The following COL3A1 variants were observed in gnomAD, a reference collection of about 807,000 sequenced individuals.
The protein encoded by COL3A1 is collagen type III alpha 1 chain.
A neutral mutation model predicts 200.9 loss-of-function variants in COL3A1; 46 were observed. The ratio of observed to expected loss-of-function variants is 0.23; its 90% CI spans 0.18 to 0.29. The LOEUF is 0.29. COL3A1 is among the 10% of genes least tolerant of loss of function. The pLI is 1.00. For synonymous variants in COL3A1, 650 were observed against 628.0 expected, an observed-to-expected ratio of 1.03 and a Z score of -0.52; for missense variants, 1,367 against 1,917.6, an observed-to-expected ratio of 0.71 and a Z score of 5.36.
At position 189,005,399 on chromosome 2, in the gene COL3A1, C is replaced by T. The variant is rs1688563132; in HGVS notation, c.2981C>T (p.Pro994Leu). ...GANGLSGERG[P>L]PGPQGLPGLA... ...AACGGTCTCAGTGGAGAACGTGGTC[C>T]CCCTGGACCCCAGGGTCTTCCTGGT... The change falls in exon 41 of 51, where the codon CCC becomes CTC. Residue 994 changes from proline (P) to leucine (L), a missense_variant. This residue lies in a region of COL3A1 where 846 missense variants were observed against 1,147.9 expected (regional missense o/e 0.74). Coordinates refer to ENST00000304636, the MANE Select transcript of COL3A1 (RefSeq NM_000090.4). 4 of 1,614,006 alleles carry T rather than the reference C, an allele frequency of 2.5e-6. No individual in the cohort carries two copies. Among genetic ancestry groups the T allele is most frequent in the Non-Finnish European group, 3.4e-6 (4 of 1,179,956 alleles).
intron 48 of COL3A1, 85 bp downstream of exon 48, chr2:189,009,306 C>T (rs1159234991): frequency 6.7e-6 from 10 of 1,497,456 alleles, no homozygotes; most frequent in Admixed American, 5.1e-5. Context: ...AAAACATCTA[C>T]TTTCAATGGA....
intron 8 of COL3A1, among the ~76,000 whole-genome samples, 191 bp from the exon 9 acceptor site, chr2:188,989,905 A>T (rs1206374146): frequency 2.0e-5 from 3 of 152,136 alleles, no homozygotes; most frequent in African/African-American, 7.2e-5. Flanking sequence ...TTATCTCTTT[A>T]TAAGCTTATA....
Position 189,007,601 on chromosome 2 carries a change from T to C in COL3A1, c.3357T>C (p.Gly1119=), listed in dbSNP as rs772000584. The C allele has an allele frequency of 6.2e-7, 1 of 1,611,470 alleles. No individual in the cohort carries two copies. The highest frequency in any genetic ancestry group is 1.1e-5 in the South Asian group (1 of 90,502). The stretch of plus-strand genomic sequence containing the variant: ...TCCCTGGTAATCCAGGTGCCCCAGG[T>C]TCTCCAGTAAGTGCATTCATTTTGT... ...RGFPGNPGAP[G]SPGPAGQQGA... The change falls in exon 45 of 51, where the codon GGT becomes GGC. Residue 1119 remains glycine (G), a synonymous_variant. Coordinates refer to ENST00000304636, the MANE Select transcript of COL3A1 (RefSeq NM_000090.4).
Position 189,012,457 on chromosome 2 carries a change from G to A in COL3A1, c.*683G>A, listed in dbSNP as rs914788962. 1 of 152,666 alleles carries A rather than the reference G, an allele frequency of 6.6e-6. No homozygotes were observed. The highest frequency in any genetic ancestry group is 2.4e-5 in the African/African-American group (1 of 41,410). 9.5% of individuals were successfully genotyped at this position (152,666 alleles called of 1,614,324 possible). A position where few individuals can be genotyped will look rare whatever the true frequency, so the allele number is the denominator to read the frequency against. On this transcript the variant is annotated 3_prime_UTR_variant, in exon 51 of 51. Transcript: ENST00000304636. ...GGAAGGCTTTAAAGACGCATGTTATGGTGCTAATGTACTTTCACTTTTAAA... is the reference window on the plus strand; with the variant it reads ...GGAAGGCTTTAAAGACGCATGTTATAGTGCTAATGTACTTTCACTTTTAAA...
In COL3A1 at chr2:189,007,628, G is replaced by C. The variant is rs376559659; in HGVS notation, c.3363+21G>C. The C allele has an allele frequency of 1.8e-5, 28 of 1,583,966 alleles. No individual in the cohort carries two copies. The highest frequency in any genetic ancestry group is 1.7e-4 in the Middle Eastern group (1 of 6,034). On this transcript the variant is annotated intron_variant, in intron 45 of 50. Coordinates refer to ENST00000304636, the MANE Select transcript of COL3A1 (RefSeq NM_000090.4). ...CTCCAGTAAGTGCATTCATTTTGTT[G>C]GAAAATCCCTTCAATGTATACAAAT...
chr2:189,006,045 C>T (rs1688578818), intron 41 of COL3A1, among the ~76,000 whole-genome samples, 161 bp from the exon 42 acceptor site: 1 of 152,008 alleles, frequency 6.6e-6, no homozygotes, highest in Non-Finnish European at 1.5e-5. Flanking sequence ...ACATTGTGAC[C>T]CTTTGAAGGG....
chr2:188,997,400 T>C lies in COL3A1; in HGVS notation c.1869+11T>C. On this transcript the variant is annotated intron_variant, in intron 26 of 50. Transcript: ENST00000304636. The stretch of plus-strand genomic sequence containing the variant: ...CCCCCAGGGCCTACTGTAAGTTCAC[T>C]CATATAAAATTGGAGATGAAAATAG... The C allele has an allele frequency of 6.2e-7, 1 of 1,613,030 alleles. No individual in the cohort carries two copies. Among genetic ancestry groups the C allele is most frequent in the Non-Finnish European group, 8.5e-7 (1 of 1,179,060 alleles).
Position 188,974,583 on chromosome 2 carries a change from A to T in COL3A1, c.79+15A>T, listed in dbSNP as rs944684603. 1 of 1,607,188 alleles carries T rather than the reference A, an allele frequency of 6.2e-7. No individual in the cohort carries two copies. Among genetic ancestry groups the T allele is most frequent in the African/African-American group, 1.3e-5 (1 of 74,760 alleles). On this transcript the variant is annotated intron_variant, in intron 1 of 50. Transcript: ENST00000304636. Reference sequence around the variant, plus strand: ...ACAACAGGAAGGTGAGTAGGTACTGATTTCAAGAAACTTTATGGGATTTTT... The same window carrying T: ...ACAACAGGAAGGTGAGTAGGTACTGTTTTCAAGAAACTTTATGGGATTTTT...
chr2:188,991,631 A>G, intron 12 of COL3A1, 38 bp from the exon 13 acceptor site: 2 of 1,613,108 alleles, frequency 1.2e-6, no homozygotes, highest in East Asian at 2.2e-5. Context: ...ACACATGTCA[A>G]GATTAGAGTA....
At chr2:189,009,948 TATC>T (rs1688684162) in intron 48 of COL3A1, among the ~76,000 whole-genome samples, 1 of 152,224 alleles carries the variant, frequency 6.6e-6, no homozygotes, top group African/African-American at 2.4e-5. Flanking sequence ...TAGCTTAGTG[TATC>T]ATCCTTATTA....
intron 37 of COL3A1, 132 bp from the exon 38 acceptor site, chr2:189,003,602 A>G: frequency 7.5e-7 from 1 of 1,340,998 alleles, no homozygotes; most frequent in Non-Finnish European, 1.1e-6. Context: ...TTATATGTAA[A>G]TTCCAAGGGG....
intron 29 of COL3A1, 134 bp from the exon 30 acceptor site, chr2:188,999,151 T>C (rs1234328583): frequency 2.3e-6 from 2 of 876,496 alleles, no homozygotes; most frequent in Non-Finnish European, 3.7e-6. Flanking sequence ...TGTTCAACTA[T>C]TTTTAAGTAT....
At position 188,993,421 on chromosome 2, in the gene COL3A1, C is replaced by A. The variant is rs1688230455; in HGVS notation, c.1111C>A (p.Pro371Thr). 6.4e-7 allele frequency: 1 copy of A among 1,563,266 alleles called. No homozygotes were observed. The highest frequency in any genetic ancestry group is 8.7e-7 in the Non-Finnish European group (1 of 1,152,864). The change falls in exon 16 of 51, where the codon CCT becomes ACT. Residue 371 changes from proline to threonine, a missense_variant. Transcript: ENST00000304636. ...TGGTGCCCCTGGACAAAGAGGAGAA[C>A]CTGGACCTCAGGGACACGCTGGTGC... is the stretch of plus-strand genomic sequence containing the variant. ...SNGAPGQRGEPGPQGHAGAQG... is the reference protein window; with the variant it reads ...SNGAPGQRGETGPQGHAGAQG...
rs745315358 is a variant in COL3A1 at position 188,994,754 on chromosome 2, G to A, written c.1378G>A (p.Ala460Thr). 1.9e-6 allele frequency: 3 copies of A among 1,613,242 alleles called. No individual in the cohort carries two copies. The highest frequency in any genetic ancestry group is 2.5e-6 in the Non-Finnish European group (3 of 1,179,898). ...GGCTGGTATTCCAGGTGTTCCAGGAGCTAAAGGCGAAGATGGCAAGGATGG... is the reference window on the plus strand; with the variant it reads ...GGCTGGTATTCCAGGTGTTCCAGGAACTAAAGGCGAAGATGGCAAGGATGG... ...GEAGIPGVPG[A>T]KGEDGKDGSP... The change falls in exon 20 of 51, where the codon GCT (alanine) becomes ACT (threonine). Residue 460 changes from alanine (A) to threonine (T), a missense_variant. Physicochemically the swap from Ala to Thr is moderately conservative, Grantham distance 58. Coordinates refer to ENST00000304636, the MANE Select transcript of COL3A1 (RefSeq NM_000090.4). This position sits in a 1 kb window ranked among gnomAD's most constrained non-coding sequence, Gnocchi z 4.5.
intron 21 of COL3A1, among the ~76,000 whole-genome samples, chr2:188,995,478 T>C (rs994931987): frequency 6.6e-6 from 1 of 152,244 alleles, no homozygotes; most frequent in Admixed American, 6.5e-5. Context: ...TGAATACTGT[T>C]TTATTAAGCA....
chr2:189,007,264 TA>T (rs1225348738), intron 44 of COL3A1, among the ~76,000 whole-genome samples: 1 of 151,082 alleles, frequency 6.6e-6, no homozygotes, highest in Non-Finnish European at 1.5e-5. Flanking sequence ...GTTCAGGATC[TA>T]AAAGTTCTTT....
intron 10 of COL3A1, 42 bp downstream of exon 10, chr2:188,990,402 G>C: frequency 1.3e-6 from 2 of 1,545,360 alleles, no homozygotes; most frequent in Non-Finnish European, 1.8e-6. Flanking sequence ...ATTCCACTGG[G>C]CTATGTTTAC....
At chr2:188,993,033 TCAAA>T in intron 15 of COL3A1, 93 bp downstream of exon 15, 2 of 1,145,192 alleles carry the variant, frequency 1.7e-6, no homozygotes, top group Non-Finnish European at 2.7e-6. Context: ...TTTTAATCAG[TCAAA>T]TGGATAGCTT....
intron 50 of COL3A1, 146 bp from the exon 51 acceptor site, chr2:189,011,482 A>C (rs1688723050): frequency 2.4e-6 from 2 of 843,104 alleles, no homozygotes; most frequent in Non-Finnish European, 3.9e-6. Context: ...TACAGCTTTG[A>C]AGTAGAGCAG....
Sources: gnomAD v4.1 joint callset for allele counts (sites outside exome capture counted in the v4.1 genomes callset) on GRCh38, gnomAD v4.1.1 for gene constraint, gnomAD v4.1.1 regional missense constraint, Gnocchi (gnomAD v3.1) non-coding constraint, MANE v1.5 for transcripts, NCBI Gene and HGNC (gene_info 2026-07-23, HGNC 2026-07-21) for gene names.